The following GNPAT variants were observed in gnomAD, a reference collection of about 807,000 sequenced individuals.
The protein encoded by GNPAT is dihydroxyacetone phosphate acyltransferase.
A neutral mutation model predicts 78.4 loss-of-function variants in GNPAT; 30 were observed. The ratio of observed to expected loss-of-function variants is 0.38; its 90% CI spans 0.29 to 0.52. The LOEUF is 0.52. GNPAT is among the 20% of genes least tolerant of loss of function. The pLI, the probability that GNPAT is intolerant of heterozygous loss-of-function variation, is 0.84. For missense variants in GNPAT, 714 were observed against 812.2 expected, an observed-to-expected ratio of 0.88 and a Z score of 1.47; for synonymous variants, 271 against 281.1, an observed-to-expected ratio of 0.96 and a Z score of 0.36.
In GNPAT at chr1:231,241,378, C is replaced by G; in HGVS notation, c.-1C>G. ...ACCCCGCCCGGGAAGGCAGCCGCAC[C>G]ATGGAGTCTTCCAGTTCATCTAACT... On this transcript the variant is annotated 5_prime_UTR_variant, in exon 1 of 16. Coordinates refer to ENST00000366647, the MANE Select transcript of GNPAT (RefSeq NM_014236.4). The G allele has an allele frequency of 1.2e-6, 2 of 1,612,410 alleles. No individual in the cohort carries two copies. The highest frequency in any genetic ancestry group is 1.7e-6 in the Non-Finnish European group (2 of 1,178,414).
At chr1:231,265,928 T>C (rs1685370260) in intron 6 of GNPAT, 86 bp from the exon 7 acceptor site, 2 of 1,153,262 alleles carry the variant, frequency 1.7e-6, no homozygotes, top group Non-Finnish European at 2.6e-6. Flanking sequence ...GTGTATAATG[T>C]ATGCTTTTAG....
rs138012293 is a variant in GNPAT at position 231,249,239 on chromosome 1, G to T, written c.79-1722G>T. On this transcript the variant is annotated intron_variant, in intron 1 of 15. Coordinates refer to ENST00000366647, the MANE Select transcript of GNPAT (RefSeq NM_014236.4). The stretch of plus-strand genomic sequence containing the variant: ...TATAAGCAAGAGTATTTATTACAAG[G>T]GTTGCAACTTTACATGAGAACTCCA... Among the ~76,000 whole-genome samples, 257 of 152,140 alleles carry T rather than the reference G, an allele frequency of 1.7e-3. 2 individuals are homozygous for T. The highest frequency in any genetic ancestry group is 5.7e-3 in the African/African-American group (236 of 41,504).
At chr1:231,268,608 C>CAAA (rs1162513799) in intron 9 of GNPAT, among the ~76,000 whole-genome samples, 1 of 84,168 alleles carries the variant, frequency 1.2e-5, no homozygotes, top group Non-Finnish European at 2.5e-5. Flanking sequence ...GACCCCATCT[C>CAAA]CAAAAAAAAA....
At chr1:231,268,905 CAA>C (rs34988391) in intron 9 of GNPAT, among the ~76,000 whole-genome samples, 2 of 135,852 alleles carry the variant, frequency 1.5e-5, no homozygotes, top group Non-Finnish European at 1.6e-5. Context: ...GATTCCGTCT[CAA>C]AAAAAAAAAA....
chr1:231,277,281 C>T (rs1349251382), intron 15 of GNPAT, among the ~76,000 whole-genome samples: 3 of 152,226 alleles, frequency 2.0e-5, no homozygotes, highest in South Asian at 4.1e-4. Flanking sequence ...GGGTTCAACT[C>T]CTGGCCCTGG....
intron 4 of GNPAT, among the ~76,000 whole-genome samples, chr1:231,263,845 G>T (rs1347594867): frequency 2.0e-5 from 3 of 152,100 alleles, no homozygotes; most frequent in Non-Finnish European, 4.4e-5. Context: ...AATGATTAGT[G>T]ATGCTGAGCA....
In GNPAT at chr1:231,256,479, C is replaced by CTTTTTTTTTTTTT. The variant is rs10693276; in HGVS notation, c.262-4015_262-4003dup. On this transcript the variant is annotated intron_variant, in intron 2 of 15. Transcript: ENST00000366647. ...CAGTCACTAAGACTGCTAATTTTCT[C>CTTTTTTTTTTTTT]TTTTTTTTTTTTTTTTTTTTTTTTT... 1.6e-4 allele frequency among the ~76,000 whole-genome samples: 12 copies of CTTTTTTTTTTTTT among 75,906 alleles called. 1 individual carries two copies. Among genetic ancestry groups the CTTTTTTTTTTTTT allele is most frequent in the Non-Finnish European group, 1.6e-4 (7 of 43,442 alleles). The allele number at this position is 75,906 out of a possible 152,430, so 49.8% of individuals were successfully genotyped here.
chr1:231,256,433 T>TG (rs968003973), intron 2 of GNPAT, among the ~76,000 whole-genome samples: 5 of 151,678 alleles, frequency 3.3e-5, no homozygotes, highest in Non-Finnish European at 7.4e-5. Context: ...TTCAACTTCT[T>TG]GCTTTTCTTT....
At chr1:231,247,435 C>G (rs577142577) in intron 1 of GNPAT, among the ~76,000 whole-genome samples, 2 of 152,262 alleles carry the variant, frequency 1.3e-5, no homozygotes, top group African/African-American at 4.8e-5. Context: ...TAGAGACCAT[C>G]TTGAAAATCC....
chr1:231,262,170 TAGAG>T (rs2102814774), intron 3 of GNPAT, among the ~76,000 whole-genome samples: 1 of 152,352 alleles, frequency 6.6e-6, no homozygotes, highest in East Asian at 1.9e-4. Context: ...GTCCAGCACA[TAGAG>T]AAATACCATT....
chr1:231,261,000 A>G (rs898147296), intron 3 of GNPAT, among the ~76,000 whole-genome samples: 2 of 152,226 alleles, frequency 1.3e-5, no homozygotes, highest in Non-Finnish European at 2.9e-5. Context: ...AAATACAAAG[A>G]ATTCCTGTAT....
At chr1:231,256,709 A>C (rs1685078153) in intron 2 of GNPAT, among the ~76,000 whole-genome samples, 1 of 151,854 alleles carries the variant, frequency 6.6e-6, no homozygotes, top group Non-Finnish European at 1.5e-5. Context: ...GATGGTCTCG[A>C]TCTCCTGACC....
intron 9 of GNPAT, among the ~76,000 whole-genome samples, chr1:231,268,415 C>T (rs927213196): frequency 2.0e-5 from 3 of 152,128 alleles, no homozygotes; most frequent in East Asian, 1.9e-4. Flanking sequence ...TTTCCCACTA[C>T]GAGACTCTGA....
intron 1 of GNPAT, among the ~76,000 whole-genome samples, chr1:231,244,575 T>A (rs1684699358): frequency 6.6e-6 from 1 of 152,106 alleles, no homozygotes; most frequent in African/African-American, 2.4e-5. Context: ...GGTAATAGAA[T>A]TCAGTTTGGG....
rs367666468 is a variant in GNPAT at position 231,255,094 on chromosome 1, C to T, written c.261+3951C>T. On this transcript the variant is annotated intron_variant, in intron 2 of 15. Transcript: ENST00000366647. ...CTATTGTTAGTGCTCTCTCAACTTC[C>T]TGTGATCAAATCTACCAATTTACCT... is the stretch of plus-strand genomic sequence containing the variant. Among the ~76,000 whole-genome samples the T allele has an allele frequency of 3.9e-5, 6 of 152,216 alleles. No homozygotes were observed. In the East Asian group the frequency reaches 5.8e-4, roughly 15 times the overall value.
chr1:231,261,240 G>A (rs748151786), intron 3 of GNPAT, among the ~76,000 whole-genome samples: 3 of 152,090 alleles, frequency 2.0e-5, no homozygotes, highest in Admixed American at 2.0e-4. Flanking sequence ...AGAAATCCTA[G>A]AAAGTGTTCA....
intron 15 of GNPAT, 45 bp downstream of exon 15, chr1:231,276,241 GA>G (rs1558340926): frequency 2.2e-6 from 2 of 928,916 alleles, no homozygotes; most frequent in East Asian, 2.5e-5. Flanking sequence ...TTTTGTTGAT[GA>G]ATTAAAATAA....
At chr1:231,276,916 A>G in intron 15 of GNPAT, among the ~76,000 whole-genome samples, 1 of 152,218 alleles carries the variant, frequency 6.6e-6, no homozygotes. Flanking sequence ...TTTGTACCTA[A>G]TCTTAATTCA....
At chr1:231,261,892 T>C (rs1265038768) in intron 3 of GNPAT, among the ~76,000 whole-genome samples, 1 of 152,226 alleles carries the variant, frequency 6.6e-6, no homozygotes, top group African/African-American at 2.4e-5. Context: ...TCCTGTCAAA[T>C]ATTTCTTCTT....
Sources: gnomAD v4.1 joint callset for allele counts (sites outside exome capture counted in the v4.1 genomes callset) on GRCh38, gnomAD v4.1.1 for gene constraint, MANE v1.5 for transcripts, NCBI Gene and HGNC (gene_info 2026-07-23, HGNC 2026-07-21) for gene names.